Variants in TEK observed in about 807,000 individuals in gnomAD.
TEK encodes TEK receptor tyrosine kinase.
TEK carries 43 observed loss-of-function variants against 131.8 expected under a neutral mutation model. That is an observed-to-expected ratio of 0.33 (90% CI 0.26 to 0.42). TEK has a LOEUF of 0.42. Ranked by LOEUF, TEK falls within the 10% of genes least tolerant of loss-of-function variation. The probability of loss-of-function intolerance (pLI) is 1.00; values close to 1 mark genes in which losing one functional copy is unlikely to be tolerated. For synonymous variants in TEK, 580 were observed against 491.6 expected (o/e 1.18, Z -2.38); for missense variants, 1,162 against 1,384.4 (o/e 0.84, Z 2.55).
intron 12 of TEK, chr9:27,198,526 A>T (rs1825106919): frequency 6.6e-6 from 1 of 152,204 alleles, no homozygotes; most frequent in Admixed American, 6.5e-5. Flanking sequence ...AGTGTTTAGG[A>T]ATTCTTCATA....
chr9:27,173,772 A>G (rs963342300), intron 6 of TEK, among the ~76,000 whole-genome samples: 2 of 138,038 alleles, frequency 1.4e-5, no homozygotes, highest in African/African-American at 5.6e-5. Context: ...GAATCATAAA[A>G]TCACAGCTTT....
intron 12 of TEK, among the ~76,000 whole-genome samples, chr9:27,200,747 T>C (rs966670173): frequency 2.6e-5 from 4 of 152,160 alleles, no homozygotes; most frequent in Admixed American, 2.6e-4. Context: ...AATCATATGT[T>C]AAAAATAATA....
In TEK at chr9:27,181,723, C is replaced by T. The variant is rs147707185; in HGVS notation, c.1030+1355C>T. Among the ~76,000 whole-genome samples, 1,191 of 152,266 alleles carry T rather than the reference C, an allele frequency of 7.8e-3. 18 individuals are homozygous for T. Among genetic ancestry groups the T allele is most frequent in the African/African-American group, 0.027 (1,137 of 41,564 alleles). On this transcript the variant is annotated intron_variant, in intron 7 of 22. Coordinates refer to ENST00000380036, the MANE Select transcript of TEK (RefSeq NM_000459.5). The stretch of plus-strand genomic sequence containing the variant: ...TGGCTTGCAAAGCTGACTGTATTTG[C>T]TCTCTTTACAGAAAATGTTTGCTAT...
chr9:27,222,534 G>A (rs1410359597), intron 21 of TEK, among the ~76,000 whole-genome samples: 1 of 152,200 alleles, frequency 6.6e-6, no homozygotes, highest in East Asian at 1.9e-4. Context: ...AACCCTACGA[G>A]CCAGAAGAGA....
intron 20 of TEK, among the ~76,000 whole-genome samples, chr9:27,219,631 C>A (rs922560081): frequency 1.2e-5 from 1 of 85,928 alleles, no homozygotes; most frequent in Non-Finnish European, 2.7e-5. Context: ...AAAAACTGTT[C>A]TACAATAAAC....
In TEK at chr9:27,109,594, G is replaced by T. The variant is rs1821250368; in HGVS notation, c.4G>T (p.Asp2Tyr). The T allele has an allele frequency of 6.2e-7, 1 of 1,614,048 alleles. No individual in the cohort carries two copies. Among genetic ancestry groups the T allele is most frequent in the Non-Finnish European group, 8.5e-7 (1 of 1,180,030 alleles). MDSLASLVLCGV... is the reference protein window; with the variant it reads MYSLASLVLCGV... ...GGATGGAGAGATTTGGGGAAGCATGGACTCTTTAGCCAGCTTAGTTCTCTG... is the reference window on the plus strand; with the variant it reads ...GGATGGAGAGATTTGGGGAAGCATGTACTCTTTAGCCAGCTTAGTTCTCTG... Residue 2 changes from aspartate (D) to tyrosine (Y), a missense_variant, in exon 1 of 23, where the codon GAC becomes TAC. By Grantham distance (160) the Asp-to-Tyr change is radical. Transcript: ENST00000380036.
At chr9:27,119,456 A>C (rs902340842) in intron 1 of TEK, among the ~76,000 whole-genome samples, 1 of 152,234 alleles carries the variant, frequency 6.6e-6, no homozygotes, top group African/African-American at 2.4e-5. Context: ...CTTTCAAAGC[A>C]CATTTTTATC....
intron 2 of TEK, among the ~76,000 whole-genome samples, chr9:27,159,142 G>T (rs1823451560): frequency 6.6e-6 from 1 of 152,190 alleles, no homozygotes; most frequent in Admixed American, 6.5e-5. Flanking sequence ...TTAGTAGGCT[G>T]GCCTTGGCTG....
chr9:27,227,840 C>T (rs1220134115), intron 21 of TEK, among the ~76,000 whole-genome samples: 1 of 152,078 alleles, frequency 6.6e-6, no homozygotes, highest in African/African-American at 2.4e-5. Context: ...CTTAAAGGGA[C>T]TTTATGTGGG....
rs377533257 is a variant in TEK at position 27,205,071 on chromosome 9, G to A, written c.2364+6G>A. 1.2e-6 allele frequency: 2 copies of A among 1,613,802 alleles called. No homozygotes were observed. The highest frequency in any genetic ancestry group is 2.2e-5 in the South Asian group (2 of 91,080). ...CCCAAGCCTTCCAAAACGTGGTAGT[G>A]TCTCATCTTCCTACTAGCTAATAAG... On this transcript the variant is annotated splice_donor_region_variant and intron_variant, in intron 14 of 22. Transcript: ENST00000380036.
chr9:27,219,900 A>G (rs1384527723), intron 20 of TEK, 149 bp from the exon 21 acceptor site: 2 of 778,512 alleles, frequency 2.6e-6, no homozygotes, highest in Non-Finnish European at 2.3e-6. Flanking sequence ...TTTGATGTGC[A>G]GTGAGTTTGC....
chr9:27,140,177 A>G (rs1322321090), intron 1 of TEK, among the ~76,000 whole-genome samples: 2 of 152,196 alleles, frequency 1.3e-5, no homozygotes, highest in African/African-American at 2.4e-5. Context: ...GAAAACATGT[A>G]GAAAATAAGT....
intron 18 of TEK, among the ~76,000 whole-genome samples, chr9:27,213,987 C>T (rs1200142082): frequency 2.0e-5 from 3 of 152,148 alleles, no homozygotes; most frequent in Non-Finnish European, 2.9e-5. Context: ...GTCAAGAAGA[C>T]AAACTAAATG....
chr9:27,224,859 C>T lies in TEK; in HGVS notation c.3201-3347C>T, dbSNP rs140765056. ...ACATGATTGTATTTCTAGAAAACCC[C>T]ATTGTCTCAGCCCAAAATCTCTTTA... On this transcript the variant is annotated intron_variant, in intron 21 of 22. Coordinates refer to ENST00000380036, the MANE Select transcript of TEK (RefSeq NM_000459.5). Among the ~76,000 whole-genome samples, 272 of 152,256 alleles carry T rather than the reference C, an allele frequency of 1.8e-3. 1 individual carries two copies. Among genetic ancestry groups the T allele is most frequent in the Middle Eastern group, 6.8e-3 (2 of 294 alleles).
At chr9:27,209,014 G>A in intron 15 of TEK, 107 bp from the exon 16 acceptor site, 1 of 752,976 alleles carries the variant, frequency 1.3e-6, no homozygotes, top group Non-Finnish European at 2.4e-6. Context: ...GTTGTATACA[G>A]TTGATGGTGA....
At chr9:27,174,652 A>G (rs561615937) in intron 6 of TEK, among the ~76,000 whole-genome samples, 2 of 152,248 alleles carry the variant, frequency 1.3e-5, no homozygotes, top group Admixed American at 1.3e-4. Flanking sequence ...GACAAAGAGG[A>G]GAGTTACACA....
At chr9:27,136,238 C>T (rs987955024) in intron 1 of TEK, among the ~76,000 whole-genome samples, 1 of 152,006 alleles carries the variant, frequency 6.6e-6, no homozygotes, top group Non-Finnish European at 1.5e-5. Context: ...CATGCCACCA[C>T]GCCCAGCTGA....
At chr9:27,169,405 G>A (rs1379550304) in intron 3 of TEK, 72 bp from the exon 4 acceptor site, 1 of 1,600,772 alleles carries the variant, frequency 6.2e-7, no homozygotes, top group Non-Finnish European at 8.5e-7. Context: ...AGCTAATTAA[G>A]TGGAGAAACC....
At chr9:27,228,068 G>C (rs761456829) in intron 21 of TEK, 138 bp from the exon 22 acceptor site, 1 of 635,568 alleles carries the variant, frequency 1.6e-6, no homozygotes, top group Non-Finnish European at 2.8e-6. Flanking sequence ...AGTCCTCATA[G>C]AAACTTCCTA....
Sources: gnomAD v4.1 joint callset for allele counts (sites outside exome capture counted in the v4.1 genomes callset) on GRCh38, gnomAD v4.1.1 for gene constraint, MANE v1.5 for transcripts, NCBI Gene and HGNC (gene_info 2026-07-23, HGNC 2026-07-21) for gene names.